Variants in PPM1K observed in about 807,000 individuals in gnomAD.
The protein encoded by PPM1K is protein phosphatase Mn(2+)-dependent 1K.
PPM1K carries 19 observed loss-of-function variants against 32.6 expected under a neutral mutation model. The observed-to-expected ratio is 0.58, with a 90% CI of 0.41 to 0.86. PPM1K has a LOEUF of 0.86. Ranked by LOEUF, PPM1K falls within the 40% of genes least tolerant of loss-of-function variation. The pLI, the probability that PPM1K is intolerant of heterozygous loss-of-function variation, is 0.00. For synonymous variants in PPM1K, 159 were observed against 165.3 expected, an observed-to-expected ratio of 0.96 and a Z score of 0.29; for missense variants, 362 against 461.2, an observed-to-expected ratio of 0.78 and a Z score of 1.97.
chr4:88,279,214 T>TAATAG (rs1228616585), intron 1 of PPM1K: 3 of 152,272 alleles, frequency 2.0e-5, no homozygotes, highest in Non-Finnish European at 4.4e-5. Flanking sequence ...AACAGGCTAA[T>TAATAG]AGAATACTTA....
At position 88,270,691 on chromosome 4, in the gene PPM1K, A is replaced by G. The variant is rs185297008; in HGVS notation, c.542-1785T>C. On this transcript the variant is annotated intron_variant, in intron 3 of 6. Coordinates refer to ENST00000608933, the MANE Select transcript of PPM1K (RefSeq NM_152542.5). Reference sequence around the variant, plus strand: ...TTAAAAATGGTTTATTATTGGCCACAGTAAAAGAGTTAAAATTTCATAAGT... The same window carrying G: ...TTAAAAATGGTTTATTATTGGCCACGGTAAAAGAGTTAAAATTTCATAAGT... 2.9e-3 allele frequency among the ~76,000 whole-genome samples: 448 copies of G among 152,338 alleles called. 2 individuals are homozygous for G. The highest frequency in any genetic ancestry group is 4.0e-3 in the Non-Finnish European group (269 of 68,032).
chr4:88,267,776 G>A (rs963706396), intron 5 of PPM1K, among the ~76,000 whole-genome samples: 2 of 152,130 alleles, frequency 1.3e-5, no homozygotes, highest in African/African-American at 4.8e-5. Context: ...TCTTTATCTT[G>A]TCACTATGCA....
chr4:88,274,098 C>T (rs1463979774), intron 3 of PPM1K, among the ~76,000 whole-genome samples: 1 of 152,180 alleles, frequency 6.6e-6, no homozygotes, highest in East Asian at 1.9e-4. Flanking sequence ...CCTTGTGTGT[C>T]CTCGTCCTTG....
At chr4:88,272,344 A>G (rs945098887) in intron 3 of PPM1K, among the ~76,000 whole-genome samples, 1 of 152,182 alleles carries the variant, frequency 6.6e-6, no homozygotes, top group African/African-American at 2.4e-5. Context: ...GTCACAGGAT[A>G]TGAAGAACAT....
At chr4:88,284,157 A>C (rs1732140689) in intron 1 of PPM1K, 1 of 149,802 alleles carries the variant, frequency 6.7e-6, no homozygotes, top group Non-Finnish European at 1.5e-5. Context: ...GGGCGCAGGC[A>C]GCCCAGCTGG....
chr4:88,266,048 T>C (rs1012533880), intron 5 of PPM1K, among the ~76,000 whole-genome samples: 7 of 152,192 alleles, frequency 4.6e-5, no homozygotes, highest in Admixed American at 2.0e-4. Flanking sequence ...GCCCAGCACA[T>C]AGTAAACTCT....
intron 4 of PPM1K, 29 bp from the exon 5 acceptor site, chr4:88,268,363 A>G: frequency 6.2e-7 from 1 of 1,613,940 alleles, no homozygotes. Flanking sequence ...CAATGGTGTG[A>G]TATGTAGAAA....
rs1226991251 is a variant in PPM1K, at chr4:88,277,216, C to G, written c.468G>C (p.Leu156Phe). The change falls in exon 3 of 7, where the codon TTG (leucine) becomes TTC (phenylalanine). Residue 156 changes from leucine (L) to phenylalanine (F), a missense_variant. Physicochemically the swap from Leu to Phe is conservative, Grantham distance 22. Transcript: ENST00000608933. ...IMDLLPKEKN[L>F]ETLLTLAFLE... ...GAAAAGCCAAGGTCAACAGAGTTTC[C>G]AAGTTCTTCTCCTTAGGAAGCAAAT... 1 of 1,613,980 alleles carries G rather than the reference C, an allele frequency of 6.2e-7. No individual in the cohort carries two copies. The highest frequency in any genetic ancestry group is 8.5e-7 in the Non-Finnish European group (1 of 1,179,880).
rs1021610785 is a variant in PPM1K at position 88,276,725 on chromosome 4, C to T, written c.541+418G>A. 2.5e-5 allele frequency: 24 copies of T among 970,852 alleles called. No individual in the cohort carries two copies. In the African/African-American group the frequency reaches 2.6e-4, roughly 10 times the overall value. The allele number at this position is 970,852 out of a possible 1,614,324, so 60.1% of individuals were successfully genotyped here. On this transcript the variant is annotated intron_variant, in intron 3 of 6. Coordinates refer to ENST00000608933, the MANE Select transcript of PPM1K (RefSeq NM_152542.5). ...TTTCTTGTTGGACAATGACTGTCCTCGCTAGATGTGATTACCCTGTAGTGT... is the reference window on the plus strand; with the variant it reads ...TTTCTTGTTGGACAATGACTGTCCTTGCTAGATGTGATTACCCTGTAGTGT...
rs1045812491 is a variant in PPM1K, at chr4:88,259,435, A to G, written c.*3160T>C. On this transcript the variant is annotated 3_prime_UTR_variant, in exon 7 of 7. Coordinates refer to ENST00000608933, the MANE Select transcript of PPM1K (RefSeq NM_152542.5). ...ATGGTGGCAAATAGTTTGGCAACAC[A>G]TATTAGAAAGGTGATTTCTATACTA... 1 of 152,244 alleles carries G rather than the reference A, an allele frequency of 6.6e-6. No individual in the cohort carries two copies. The highest frequency in any genetic ancestry group is 6.5e-5 in the Admixed American group (1 of 15,284). The allele number at this position is 152,244 out of a possible 1,614,324, so 9.4% of individuals were successfully genotyped here.
intron 4 of PPM1K, 42 bp from the exon 5 acceptor site, chr4:88,268,376 C>T (rs1484101441): frequency 1.2e-6 from 2 of 1,611,674 alleles, no homozygotes; most frequent in Non-Finnish European, 1.7e-6. Flanking sequence ...TGTAGAAAAC[C>T]CTTTGGGAGG....
chr4:88,275,008 C>A lies in PPM1K; in HGVS notation c.541+2135G>T, dbSNP rs189251540. The A allele has an allele frequency of 1.2e-3, 860 of 706,370 alleles. 7 individuals are homozygous for A. In the African/African-American group the frequency reaches 0.016, roughly 13 times the overall value. 43.8% of individuals were successfully genotyped at this position (706,370 alleles called of 1,614,324 possible). On this transcript the variant is annotated intron_variant, in intron 3 of 6. Transcript: ENST00000608933. Reference sequence around the variant, plus strand: ...ATAACAATATTATAATAGACCTTTTCTTTTAGTACACACTAAGAGCATCAT... The same window carrying A: ...ATAACAATATTATAATAGACCTTTTATTTTAGTACACACTAAGAGCATCAT...
At chr4:88,273,519 A>G (rs761936433) in intron 3 of PPM1K, among the ~76,000 whole-genome samples, 19 of 152,134 alleles carry the variant, frequency 1.2e-4, no homozygotes, top group Non-Finnish European at 2.4e-4. Context: ...CGCCTCTACT[A>G]AAAATACAAA....
At chr4:88,276,989 T>C (rs2110169566) in intron 3 of PPM1K, 154 bp downstream of exon 3, 3 of 690,720 alleles carry the variant, frequency 4.3e-6, no homozygotes, top group Non-Finnish European at 7.1e-6. Context: ...CAGCATTTAA[T>C]GTGATTCTTC....
chr4:88,266,113 G>T (rs1258908006), intron 5 of PPM1K, among the ~76,000 whole-genome samples: 1 of 152,212 alleles, frequency 6.6e-6, no homozygotes, highest in Non-Finnish European at 1.5e-5. Flanking sequence ...CACGATGTGG[G>T]ATATCTATAG....
At chr4:88,276,645 A>C in intron 3 of PPM1K, 1 of 985,102 alleles carries the variant, frequency 1.0e-6, no homozygotes, top group Non-Finnish European at 1.2e-6. Context: ...CTAGTTATAC[A>C]AATTAGTGCA....
At chr4:88,273,434 A>C (rs1416144233) in intron 3 of PPM1K, among the ~76,000 whole-genome samples, 1 of 152,238 alleles carries the variant, frequency 6.6e-6, no homozygotes, top group Non-Finnish European at 1.5e-5. Context: ...TAATCCCAGC[A>C]CTTTGGGAGG....
chr4:88,262,967 T>A (rs940288841), intron 6 of PPM1K, among the ~76,000 whole-genome samples: 1 of 152,204 alleles, frequency 6.6e-6, no homozygotes, highest in Non-Finnish European at 1.5e-5. Context: ...ATTAACTATA[T>A]TCTGCTGTAG....
chr4:88,263,296 C>T (rs944356996), intron 6 of PPM1K, among the ~76,000 whole-genome samples: 11 of 151,972 alleles, frequency 7.2e-5, no homozygotes, highest in African/African-American at 2.7e-4. Context: ...TTCCATCTAT[C>T]GAATTGGTAA....
Sources: gnomAD v4.1 joint callset for allele counts (sites outside exome capture counted in the v4.1 genomes callset) on GRCh38, gnomAD v4.1.1 for gene constraint, MANE v1.5 for transcripts, NCBI Gene and HGNC (gene_info 2026-07-23, HGNC 2026-07-21) for gene names.